PLCB1: variants seen among roughly 807,000 people sequenced by gnomAD.
The protein encoded by PLCB1 is 1-phosphatidylinositol 4,5-bisphosphate phosphodiesterase beta-1.
In PLCB1, 46 loss-of-function variants were observed where a neutral mutation model predicts 161.8. The ratio of observed to expected loss-of-function variants is 0.28; its 90% CI spans 0.22 to 0.36. The LOEUF is 0.36. Ranked by LOEUF, PLCB1 falls within the 10% of genes least tolerant of loss-of-function variation. The probability of loss-of-function intolerance (pLI) is 1.00; values close to 1 mark genes in which losing one functional copy is unlikely to be tolerated. For synonymous variants in PLCB1, 517 were observed against 503.7 expected (o/e 1.03, Z -0.35); for missense variants, 1,016 against 1,472.5 (o/e 0.69, Z 5.07).
At chr20:8,783,588 A>G (rs1195996043) in intron 27 of PLCB1, among the ~76,000 whole-genome samples, 1 of 152,188 alleles carries the variant, frequency 6.6e-6, no homozygotes, top group Non-Finnish European at 1.5e-5. Flanking sequence ...ATTGCAAGCC[A>G]CAGAATTCCA....
At chr20:8,683,214 A>T (rs1287755793) in intron 9 of PLCB1, among the ~76,000 whole-genome samples, 1 of 152,060 alleles carries the variant, frequency 6.6e-6, no homozygotes, top group Admixed American at 6.5e-5. Context: ...TAAAAGAATT[A>T]TACACACACA....
At chr20:8,206,877 C>G (rs1305584182) in intron 2 of PLCB1, among the ~76,000 whole-genome samples, 1 of 151,714 alleles carries the variant, frequency 6.6e-6, no homozygotes, top group Non-Finnish European at 1.5e-5. Context: ...ATACATAAAT[C>G]ATGATATTTC....
At chr20:8,686,138 AACTACAT>A (rs1237145132) in intron 10 of PLCB1, among the ~76,000 whole-genome samples, 1 of 152,216 alleles carries the variant, frequency 6.6e-6, no homozygotes, top group Non-Finnish European at 1.5e-5. Context: ...GTGACTTGTA[AACTACAT>A]ACTTAACTGA....
intron 18 of PLCB1, among the ~76,000 whole-genome samples, chr20:8,730,722 G>GA (rs1980197045): frequency 6.6e-6 from 1 of 151,596 alleles, no homozygotes; most frequent in Admixed American, 6.6e-5. Flanking sequence ...TCTGTCACAG[G>GA]AAAAATGCTT....
At chr20:8,141,470 A>G (rs778534632) in intron 1 of PLCB1, among the ~76,000 whole-genome samples, 5 of 152,116 alleles carry the variant, frequency 3.3e-5, no homozygotes, top group Non-Finnish European at 7.4e-5. Flanking sequence ...CTAGAATACA[A>G]AAATTAGCTG....
chr20:8,181,033 C>G (rs77558634), intron 2 of PLCB1, among the ~76,000 whole-genome samples: 3,440 of 151,396 alleles, frequency 0.023, 131 homozygotes, highest in African/African-American at 0.077. Context: ...GGCGGATTAC[C>G]TGAGGTCAGG....
At chr20:8,218,940 G>A (rs1979273776) in intron 2 of PLCB1, among the ~76,000 whole-genome samples, 1 of 152,108 alleles carries the variant, frequency 6.6e-6, no homozygotes, top group African/African-American at 2.4e-5. Context: ...CTGTGAATTA[G>A]AAGTTTCAGA....
intron 2 of PLCB1, among the ~76,000 whole-genome samples, chr20:8,332,979 G>A (rs980691731): frequency 6.6e-6 from 1 of 152,174 alleles, no homozygotes; most frequent in Non-Finnish European, 1.5e-5. Context: ...AAAAATACAC[G>A]TGCCTTTTCA....
chr20:8,302,306 T>G (rs538032133), intron 2 of PLCB1, among the ~76,000 whole-genome samples: 1 of 152,328 alleles, frequency 6.6e-6, no homozygotes, highest in East Asian at 1.9e-4. Flanking sequence ...AAACTTAATT[T>G]TTTATGGAGG....
chr20:8,672,945 C>T (rs1303330028), intron 9 of PLCB1, among the ~76,000 whole-genome samples: 1 of 151,850 alleles, frequency 6.6e-6, no homozygotes, highest in African/African-American at 2.4e-5. Flanking sequence ...AGCCCTATCT[C>T]TACTAAAAAT....
chr20:8,330,661 A>C (rs1195956806), intron 2 of PLCB1, among the ~76,000 whole-genome samples: 1 of 152,254 alleles, frequency 6.6e-6, no homozygotes, highest in Non-Finnish European at 1.5e-5. Context: ...ATAGCATTCA[A>C]GGGATCCTGC....
At chr20:8,593,892 A>G (rs1238114456) in intron 3 of PLCB1, among the ~76,000 whole-genome samples, 2 of 151,848 alleles carry the variant, frequency 1.3e-5, no homozygotes, top group Non-Finnish European at 2.9e-5. Context: ...GTGTTATTTT[A>G]TTTTATTTTA....
intron 31 of PLCB1, among the ~76,000 whole-genome samples, chr20:8,840,229 G>A (rs992307192): frequency 6.6e-6 from 1 of 152,088 alleles, no homozygotes; most frequent in African/African-American, 2.4e-5. Context: ...TCTCTTCCTA[G>A]ATAAGCCCAA....
chr20:8,294,467 T>G (rs1983532941), intron 2 of PLCB1, among the ~76,000 whole-genome samples: 1 of 152,040 alleles, frequency 6.6e-6, no homozygotes, highest in South Asian at 2.1e-4. Flanking sequence ...ACAATTTATA[T>G]GCATATATAT....
intron 11 of PLCB1, among the ~76,000 whole-genome samples, chr20:8,704,984 C>CTTTTTTTTTTTTTTTTTTT (rs368791318): frequency 8.4e-6 from 1 of 118,806 alleles, no homozygotes; most frequent in Non-Finnish European, 1.7e-5. Flanking sequence ...CTCCTTTACT[C>CTTTTTTTTTTTTTTTTTTT]TTTTTTTTTT....
intron 2 of PLCB1, among the ~76,000 whole-genome samples, chr20:8,339,321 G>C (rs1422002732): frequency 6.6e-6 from 1 of 152,168 alleles, no homozygotes; most frequent in Non-Finnish European, 1.5e-5. Context: ...TGCTCCTCAT[G>C]TGGGCACTTC....
At chr20:8,717,276 C>T (rs942433242) in intron 13 of PLCB1, among the ~76,000 whole-genome samples, 4 of 152,122 alleles carry the variant, frequency 2.6e-5, no homozygotes, top group African/African-American at 4.8e-5. Flanking sequence ...AGCTTCTGCC[C>T]GTCTTTACCA....
intron 4 of PLCB1, among the ~76,000 whole-genome samples, chr20:8,635,091 C>A (rs1349200975): frequency 6.6e-6 from 1 of 152,142 alleles, no homozygotes; most frequent in Non-Finnish European, 1.5e-5. Flanking sequence ...GAACCTTGAA[C>A]ATATTTTCAA....
intron 2 of PLCB1, among the ~76,000 whole-genome samples, chr20:8,274,524 T>C (rs978531166): frequency 2.0e-5 from 3 of 151,538 alleles, no homozygotes; most frequent in Admixed American, 6.6e-5. Flanking sequence ...TCATGGTGAC[T>C]TGAACCATGA....
Sources: allele counts gnomAD v4.1 joint callset (sites outside exome capture counted in the v4.1 genomes callset), GRCh38; gene constraint gnomAD v4.1.1; transcripts MANE v1.5; gene names NCBI Gene and HGNC (gene_info 2026-07-23, HGNC 2026-07-21).